The following RASAL2 variants were observed in gnomAD, a reference collection of about 807,000 sequenced individuals.
RASAL2 encodes the protein ras GTPase-activating protein nGAP.
A neutral mutation model predicts 128.9 loss-of-function variants in RASAL2; 58 were observed. The observed-to-expected ratio is 0.45, with a 90% confidence interval of 0.36 to 0.56. The LOEUF (loss-of-function observed/expected upper bound fraction) is 0.56. Ranked by LOEUF, RASAL2 falls within the 20% of genes least tolerant of loss-of-function variation. RASAL2 has a pLI of 0.00. For missense variants in RASAL2, 1,360 were observed against 1,601.6 expected (o/e 0.85, Z 2.57); for synonymous variants, 561 against 580.8 (o/e 0.97, Z 0.49).
chr1:178,430,080 A>G (rs1029603798), intron 5 of RASAL2, among the ~76,000 whole-genome samples: 6 of 152,162 alleles, frequency 3.9e-5, no homozygotes, highest in Admixed American at 1.3e-4. Context: ...CAATCTTTGT[A>G]TCTTCATTCC....
intron 1 of RASAL2, among the ~76,000 whole-genome samples, chr1:178,259,081 A>G (rs1665525960): frequency 7.1e-6 from 1 of 141,706 alleles, no homozygotes; most frequent in African/African-American, 2.7e-5. Context: ...CTTAGGGCCG[A>G]GGGGGATGGG....
intron 1 of RASAL2, among the ~76,000 whole-genome samples, chr1:178,118,082 T>C (rs1309894357): frequency 6.6e-6 from 1 of 151,818 alleles, no homozygotes; most frequent in Non-Finnish European, 1.5e-5. Context: ...GAGAATCCCT[T>C]GAACCCGGGA....
intron 1 of RASAL2, among the ~76,000 whole-genome samples, chr1:178,104,178 C>T (rs1198008314): frequency 1.3e-5 from 2 of 152,122 alleles, no homozygotes; most frequent in Non-Finnish European, 2.9e-5. Flanking sequence ...GATCCAATTT[C>T]ATTTTTTGAA....
intron 1 of RASAL2, among the ~76,000 whole-genome samples, chr1:178,202,501 T>C (rs1345055587): frequency 6.6e-6 from 1 of 152,222 alleles, no homozygotes; most frequent in Non-Finnish European, 1.5e-5. Context: ...GGAAAATCTT[T>C]CCAGTGGGCA....
At chr1:178,273,907 A>C (rs1056008823) in intron 1 of RASAL2, among the ~76,000 whole-genome samples, 4 of 152,170 alleles carry the variant, frequency 2.6e-5, no homozygotes, top group African/African-American at 7.2e-5. Flanking sequence ...GAGTCAGCTA[A>C]GTTGTGCTCA....
rs1177221737 is a variant in RASAL2, at chr1:178,454,639, A to G, written c.2202A>G (p.Gln734=). The G allele has an allele frequency of 9.9e-6, 16 of 1,613,250 alleles. No homozygotes were observed. The highest frequency in any genetic ancestry group is 1.4e-5 in the Non-Finnish European group (16 of 1,179,382). Residue 734 remains glutamine, a synonymous_variant, in exon 12 of 18, where the codon CAA becomes CAG. Transcript: ENST00000367649. ...CCTTACTGTGGGAAGTAGTTTCCCAACTTGATAAGGTAAAGTAGGTTGGTG... is the reference window on the plus strand; with the variant it reads ...CCTTACTGTGGGAAGTAGTTTCCCAGCTTGATAAGGTAAAGTAGGTTGGTG... ...LHSLLWEVVS[Q]LDKATVAKLG...
intron 1 of RASAL2, among the ~76,000 whole-genome samples, chr1:178,260,119 G>A (rs1470318742): frequency 1.3e-5 from 2 of 151,072 alleles, no homozygotes; most frequent in African/African-American, 4.9e-5. Context: ...TTGGGAAGCC[G>A]AGGTGGGTGG....
In RASAL2 at chr1:178,473,546, T is replaced by C. The variant is rs577046743; in HGVS notation, c.*307T>C. 1.9e-5 allele frequency: 7 copies of C among 363,432 alleles called. No homozygotes were observed. In the South Asian group the frequency reaches 2.4e-4, roughly 12 times the overall value. 22.5% of individuals were successfully genotyped at this position (363,432 alleles called of 1,614,324 possible). ...TTACCTTTTTGATTATTGCTATTTT[T>C]ATTATTGTTTTCCTCTTGTTGAAAG... On this transcript the variant is annotated 3_prime_UTR_variant, in exon 18 of 18. Coordinates refer to ENST00000367649, the MANE Select transcript of RASAL2 (RefSeq NM_170692.4).
chr1:178,426,990 T>C (rs1675556881), intron 5 of RASAL2, among the ~76,000 whole-genome samples: 1 of 151,974 alleles, frequency 6.6e-6, no homozygotes, highest in Non-Finnish European at 1.5e-5. Flanking sequence ...TAATGAGGGC[T>C]CCAAGGCGGA....
intron 3 of RASAL2, among the ~76,000 whole-genome samples, chr1:178,364,358 C>T (rs1028530136): frequency 1.3e-5 from 2 of 152,112 alleles, no homozygotes; most frequent in African/African-American, 4.8e-5. Context: ...AAGTCTTCAC[C>T]CAACCTCCAA....
intron 4 of RASAL2, among the ~76,000 whole-genome samples, chr1:178,396,720 T>G (rs1416535900): frequency 6.6e-6 from 1 of 152,056 alleles, no homozygotes; most frequent in Non-Finnish European, 1.5e-5. Context: ...TTTGTTTCTT[T>G]TATATTAAAC....
chr1:178,141,109 C>G (rs1660509876), intron 1 of RASAL2, among the ~76,000 whole-genome samples: 1 of 151,836 alleles, frequency 6.6e-6, no homozygotes, highest in Non-Finnish European at 1.5e-5. Context: ...GGTGCCAAGC[C>G]ATTCATGAGG....
At chr1:178,096,247 G>T (rs1350691990) in intron 1 of RASAL2, among the ~76,000 whole-genome samples, 2 of 152,024 alleles carry the variant, frequency 1.3e-5, no homozygotes, top group African/African-American at 4.8e-5. Context: ...CACTTCTTTG[G>T]CATACTGTTT....
At chr1:178,291,853 G>A (rs1667293074) in intron 2 of RASAL2, among the ~76,000 whole-genome samples, 1 of 151,982 alleles carries the variant, frequency 6.6e-6, no homozygotes, top group South Asian at 2.1e-4. Context: ...TGACCAATAT[G>A]GTGAAATCCT....
Position 178,456,745 on chromosome 1 carries a change from C to A in RASAL2, c.2236C>A (p.Leu746Ile), listed in dbSNP as rs569747216. ...GGCGACCGTGGCAAAATTGGGGCCT[C>A]TCCCTCGTGTTCTTGCTGATATTAC... Reference protein sequence around the residue: ...DKATVAKLGPLPRVLADITKS... With the variant: ...DKATVAKLGPIPRVLADITKS... The change falls in exon 13 of 18, where the codon CTC becomes ATC. Residue 746 changes from leucine to isoleucine, a missense_variant. Around this residue, in one of 3 missense-constraint regions of RASAL2, gnomAD observed 741 missense variants for 868.6 expected, o/e 0.85. Transcript: ENST00000367649. The A allele has an allele frequency of 3.2e-4, 521 of 1,614,158 alleles. 3 individuals are homozygous for A. The South Asian group carries it at 5.4e-3, about 17-fold the overall frequency.
chr1:178,198,204 G>GGT (rs1166564653), intron 1 of RASAL2, among the ~76,000 whole-genome samples: 1 of 151,918 alleles, frequency 6.6e-6, no homozygotes, highest in Non-Finnish European at 1.5e-5. Context: ...TAATCCTTTG[G>GGT]GTATATATAT....
At chr1:178,369,003 A>G (rs528463032) in intron 3 of RASAL2, among the ~76,000 whole-genome samples, 2 of 152,130 alleles carry the variant, frequency 1.3e-5, no homozygotes, top group South Asian at 2.1e-4. Flanking sequence ...ACAGCCCACT[A>G]TAGAGTTTTA....
intron 1 of RASAL2, among the ~76,000 whole-genome samples, chr1:178,160,040 A>G (rs1276432945): frequency 1.3e-5 from 2 of 151,834 alleles, no homozygotes; most frequent in Non-Finnish European, 2.9e-5. Context: ...TAAGGAAATA[A>G]CCGGTCTATT....
At chr1:178,182,107 C>T (rs1410600929) in intron 1 of RASAL2, among the ~76,000 whole-genome samples, 1 of 152,162 alleles carries the variant, frequency 6.6e-6, no homozygotes, top group African/African-American at 2.4e-5. Flanking sequence ...GTCCACCCTC[C>T]TACCCCATTT....
Sources: allele counts gnomAD v4.1 joint callset (sites outside exome capture counted in the v4.1 genomes callset), GRCh38; gene constraint gnomAD v4.1.1; regional missense constraint gnomAD v4.1.1; transcripts MANE v1.5; gene names NCBI Gene and HGNC (gene_info 2026-07-23, HGNC 2026-07-21).